Variants in PCDHA3 observed in about 807,000 individuals in gnomAD.
PCDHA3 encodes the protein protocadherin alpha-3.
In PCDHA3, 41 loss-of-function variants were observed where a neutral mutation model predicts 62.2. The observed-to-expected ratio is 0.66, with a 90% CI of 0.51 to 0.86. The LOEUF is 0.86. Among genes scored for constraint, PCDHA3 ranks in the 40% least tolerant of loss-of-function variants. PCDHA3 has a pLI of 0.00. For missense variants in PCDHA3, 1,304 were observed against 1,241.2 expected, an observed-to-expected ratio of 1.05 and a Z score of -0.76; for synonymous variants, 640 against 555.4, an observed-to-expected ratio of 1.15 and a Z score of -2.14.
At chr5:140,926,873 C>T in intron 1 of PCDHA3, 1 of 1,525,502 alleles carries the variant, frequency 6.6e-7, no homozygotes, top group Non-Finnish European at 8.8e-7. Context: ...GTTGGTGGAA[C>T]GTGGACGCCT....
chr5:140,904,486 C>G (rs1396927518), intron 1 of PCDHA3, among the ~76,000 whole-genome samples: 2 of 151,508 alleles, frequency 1.3e-5, no homozygotes, highest in African/African-American at 2.4e-5. Context: ...TGGTCTGATT[C>G]CAAATTTTTA....
At chr5:140,909,977 G>A (rs1554194042) in intron 1 of PCDHA3, among the ~76,000 whole-genome samples, 2 of 152,214 alleles carry the variant, frequency 1.3e-5, no homozygotes, top group African/African-American at 4.8e-5. Flanking sequence ...AAGGATGGGA[G>A]AAAGACTAAC....
At chr5:140,942,260 T>TA (rs2093256424) in intron 1 of PCDHA3, among the ~76,000 whole-genome samples, 1 of 152,086 alleles carries the variant, frequency 6.6e-6, no homozygotes, top group African/African-American at 2.4e-5. Flanking sequence ...AAAAGATATC[T>TA]AAAGCTGGTA....
At chr5:140,885,424 A>G (rs1311599501) in intron 1 of PCDHA3, among the ~76,000 whole-genome samples, 4 of 152,148 alleles carry the variant, frequency 2.6e-5, no homozygotes, top group African/African-American at 7.2e-5. Context: ...AGTATTCCAC[A>G]GTGTAAGTGT....
At chr5:140,850,730 G>T (rs1439103901) in intron 1 of PCDHA3, 3 of 1,597,976 alleles carry the variant, frequency 1.9e-6, no homozygotes, top group Non-Finnish European at 2.6e-6. Flanking sequence ...CTAGCGCGGT[G>T]GGGAGTTGGT....
At chr5:140,984,041 T>A (rs1440161569) in intron 3 of PCDHA3, among the ~76,000 whole-genome samples, 1 of 152,196 alleles carries the variant, frequency 6.6e-6, no homozygotes, top group Non-Finnish European at 1.5e-5. Flanking sequence ...CATAAAATAG[T>A]TCATTGACAA....
At chr5:140,882,346 G>T (rs146510190) in intron 1 of PCDHA3, 36 of 1,614,194 alleles carry the variant, frequency 2.2e-5, no homozygotes, top group Non-Finnish European at 2.9e-5. Flanking sequence ...CCTGGGAGAC[G>T]GGTAGTGGCC....
At chr5:140,978,856 A>G (rs2096826512) in intron 1 of PCDHA3, 93 bp from the exon 2 acceptor site, 1 of 1,589,052 alleles carries the variant, frequency 6.3e-7, no homozygotes, top group Non-Finnish European at 8.6e-7. Flanking sequence ...AGATGCCTGG[A>G]AATATTTAAG....
In PCDHA3 at chr5:140,888,751, C is replaced by T. The variant is rs947840835; in HGVS notation, c.2394+85160C>T. On this transcript the variant is annotated intron_variant, in intron 1 of 3. Transcript: ENST00000522353. ...TTGTGAGCTCTAGGAATTATTCTAC[C>T]CACTTTTTTTTTTAATTTTGAAGGG... Among the ~76,000 whole-genome samples, 4 of 151,800 alleles carry T rather than the reference C, an allele frequency of 2.6e-5. No individual in the cohort carries two copies. The South Asian group carries it at 8.3e-4, about 32-fold the overall frequency.
intron 1 of PCDHA3, chr5:140,870,089 T>A (rs782364525): frequency 6.2e-7 from 1 of 1,613,914 alleles, no homozygotes; most frequent in Admixed American, 1.7e-5. Flanking sequence ...ACTCCCCCAA[T>A]GGCAGGTCAC....
intron 1 of PCDHA3, among the ~76,000 whole-genome samples, chr5:140,900,275 C>T (rs1260418745): frequency 9.2e-5 from 14 of 151,438 alleles, no homozygotes; most frequent in African/African-American, 2.9e-4. Context: ...GTATATGTAC[C>T]ACACTTTCTT....
At chr5:140,814,028 A>G (rs1469923006) in intron 1 of PCDHA3, 2 of 152,870 alleles carry the variant, frequency 1.3e-5, no homozygotes, top group African/African-American at 4.8e-5. Flanking sequence ...TAATAAATTA[A>G]CCTTAGCTTA....
intron 1 of PCDHA3, chr5:140,871,261 C>T (rs1554165342): frequency 3.1e-6 from 5 of 1,613,864 alleles, no homozygotes; most frequent in Admixed American, 3.3e-5. Context: ...GTATACGGCG[C>T]TGTGGTGGTC....
Position 141,004,229 on chromosome 5 carries a change from T to G in PCDHA3, c.2543-5398T>G, listed in dbSNP as rs368330742. On this transcript the variant is annotated intron_variant, in intron 3 of 3. Transcript: ENST00000522353. ...AGATTAGGAGGTCAGTCAGTGTTTG[T>G]CAGATCCTTAAGCTTTTGTTTTACT... Among the ~76,000 whole-genome samples, 5 of 152,250 alleles carry G rather than the reference T, an allele frequency of 3.3e-5. No individual in the cohort carries two copies. The East Asian group carries it at 7.7e-4, about 23-fold the overall frequency.
intron 1 of PCDHA3, chr5:140,835,675 G>T (rs2150241595): frequency 2.5e-6 from 4 of 1,613,918 alleles, no homozygotes; most frequent in Non-Finnish European, 3.4e-6. Flanking sequence ...CGGGACGGGG[G>T]CTCGCCTTCT....
intron 1 of PCDHA3, among the ~76,000 whole-genome samples, chr5:140,951,536 C>T (rs1260106126): frequency 2.0e-5 from 3 of 151,914 alleles, no homozygotes; most frequent in Admixed American, 6.6e-5. Flanking sequence ...GGTGCAGGAG[C>T]AAGGGACGGG....
In PCDHA3 at chr5:140,894,992, T is replaced by C. The variant is rs78280553; in HGVS notation, c.2395-83957T>C. Among the ~76,000 whole-genome samples, 440 of 152,300 alleles carry C rather than the reference T, an allele frequency of 2.9e-3. 1 individual carries two copies. The highest frequency in any genetic ancestry group is 0.01 in the African/African-American group (421 of 41,556). On this transcript the variant is annotated intron_variant, in intron 1 of 3. Transcript: ENST00000522353. ...TAATGTCTTACTTTGTGACATCCTT[T>C]ACCCTTTTTACTTGGACCTTTTTCC...
chr5:140,849,589 T>G, intron 1 of PCDHA3: 1 of 1,598,710 alleles, frequency 6.3e-7, no homozygotes, highest in Non-Finnish European at 8.6e-7. Context: ...GACGCACAAC[T>G]GGGGACAGTT....
chr5:141,007,348 C>T (rs1300636691), intron 3 of PCDHA3, among the ~76,000 whole-genome samples: 3 of 142,438 alleles, frequency 2.1e-5, no homozygotes, highest in African/African-American at 5.3e-5. Context: ...CTCAGGAGTT[C>T]GAGACCAGCC....
Sources: gnomAD v4.1 joint callset for allele counts (sites outside exome capture counted in the v4.1 genomes callset) on GRCh38, gnomAD v4.1.1 for gene constraint, MANE v1.5 for transcripts, NCBI Gene and HGNC (gene_info 2026-07-23, HGNC 2026-07-21) for gene names.